Variants in MARCHF6 observed in about 807,000 individuals in gnomAD.
MARCHF6 encodes the protein E3 ubiquitin-protein ligase MARCHF6.
In MARCHF6, 31 loss-of-function variants were observed where a neutral mutation model predicts 133.7. The observed-to-expected ratio is 0.23, with a 90% confidence interval of 0.17 to 0.31. The LOEUF (loss-of-function observed/expected upper bound fraction) is 0.31, where lower values mean the gene tolerates loss of function less well. Among genes scored for constraint, MARCHF6 ranks in the 10% least tolerant of loss-of-function variants. MARCHF6 has a pLI of 1.00. For synonymous variants in MARCHF6, 395 were observed against 402.5 expected (o/e 0.98, Z 0.22); for missense variants, 723 against 1,121.6 (o/e 0.64, Z 5.08).
chr5:10,375,025 G>A (rs937563267), intron 1 of MARCHF6, among the ~76,000 whole-genome samples: 1 of 152,192 alleles, frequency 6.6e-6, no homozygotes, highest in African/African-American at 2.4e-5. Context: ...GCTTGCTCTC[G>A]GCGCCTCCTC....
chr5:10,423,679 CTG>C, intron 22 of MARCHF6, 54 bp from the exon 23 acceptor site: 1 of 1,165,252 alleles, frequency 8.6e-7, no homozygotes, highest in Non-Finnish European at 1.3e-6. Context: ...AGCCTCTCTG[CTG>C]TGTTTATTGT....
At position 10,438,217 on chromosome 5, in the gene MARCHF6, G is replaced by T. The variant is rs1479008614; in HGVS notation, c.*4533G>T. On this transcript the variant is annotated 3_prime_UTR_variant, in exon 26 of 26. Coordinates refer to ENST00000274140, the MANE Select transcript of MARCHF6 (RefSeq NM_005885.4). ...TAGAGTAAAACCAATCAAATCCATT[G>T]TACATACCTGACCATATGTCCCAGA... The T allele has an allele frequency of 6.6e-6, 1 of 152,018 alleles. No homozygotes were observed. Among genetic ancestry groups the T allele is most frequent in the South Asian group, 2.1e-4 (1 of 4,802 alleles). The allele number at this position is 152,018 out of a possible 1,614,324, so 9.4% of individuals were successfully genotyped here.
At chr5:10,410,118 T>C (rs375470350) in intron 17 of MARCHF6, 21 bp from the exon 18 acceptor site, 1 of 1,612,424 alleles carries the variant, frequency 6.2e-7, no homozygotes, top group Non-Finnish European at 8.5e-7. Context: ...CAATTCACAT[T>C]ATAAATCCTG....
chr5:10,389,478 TGCAACCCCCC>T (rs1471563134), intron 5 of MARCHF6, among the ~76,000 whole-genome samples: 18 of 150,412 alleles, frequency 1.2e-4, no homozygotes, highest in Middle Eastern at 6.8e-3. Flanking sequence ...CTTGGCTTAC[TGCAACCCCCC>T]GCCTCCTGGG....
chr5:10,410,235 G>C lies in MARCHF6; in HGVS notation c.1650G>C (p.Lys550Asn). The part of the protein sequence containing the change: ...LEQGHTRQWL[K>N]GLVRAWTVTA... ...AGGGACACACGAGGCAGTGGCTGAA[G>C]GGGCTGGTGCGAGCGTGGACTGTGA... The change falls in exon 18 of 26, where the codon AAG becomes AAC. Residue 550 changes from lysine (K) to asparagine (N), a missense_variant. Lys to Asn is a moderately conservative substitution (Grantham distance 94, BLOSUM62 0). Around this residue, in one of 4 missense-constraint regions of MARCHF6, gnomAD observed 492 missense variants for 699.5 expected, o/e 0.70. Transcript: ENST00000274140. 6.2e-7 allele frequency: 1 copy of C among 1,613,584 alleles called. No homozygotes were observed. Among genetic ancestry groups the C allele is most frequent in the Non-Finnish European group, 8.5e-7 (1 of 1,180,026 alleles).
intron 10 of MARCHF6, among the ~76,000 whole-genome samples, chr5:10,397,749 T>TA (rs1329287515): frequency 6.6e-6 from 1 of 152,210 alleles, no homozygotes; most frequent in Non-Finnish European, 1.5e-5. Flanking sequence ...TGGGAGCTGT[T>TA]ACCAGAGCTG....
chr5:10,362,756 A>T (rs1735904657), intron 1 of MARCHF6, among the ~76,000 whole-genome samples: 3 of 152,196 alleles, frequency 2.0e-5, no homozygotes, highest in Admixed American at 2.0e-4. Flanking sequence ...ATACTATGTC[A>T]AAACTTGACA....
At chr5:10,391,464 T>TTTA (rs1554022042) in intron 6 of MARCHF6, 78 bp from the exon 7 acceptor site, 2 of 431,754 alleles carry the variant, frequency 4.6e-6, no homozygotes, top group South Asian at 3.2e-5. Context: ...TTTTTTTTTT[T>TTTA]AGCAGGAATA....
At chr5:10,378,303 A>G (rs1321126026) in intron 2 of MARCHF6, among the ~76,000 whole-genome samples, 4 of 152,200 alleles carry the variant, frequency 2.6e-5, no homozygotes. Flanking sequence ...TAATCCTTAT[A>G]AGAAAATTGT....
Position 10,435,232 on chromosome 5 carries a change from TCAA to T in MARCHF6, c.*1552_*1554del, listed in dbSNP as rs372998845. The T allele has an allele frequency of 3.9e-5, 6 of 152,736 alleles. No homozygotes were observed. Among genetic ancestry groups the T allele is most frequent in the African/African-American group, 1.4e-4 (6 of 41,576 alleles). The allele number at this position is 152,736 out of a possible 1,614,324, so 9.5% of individuals were successfully genotyped here. A position where few individuals can be genotyped will look rare whatever the true frequency, so the allele number is the denominator to read the frequency against. On this transcript the variant is annotated 3_prime_UTR_variant, in exon 26 of 26. Transcript: ENST00000274140. ...CAATGTGTTCTGGCTGTTTTATACTTCAACAATTTTTTCCCTAAGTGGTAAGCA... is the reference window on the plus strand; with the variant it reads ...CAATGTGTTCTGGCTGTTTTATACTTCAATTTTTTCCCTAAGTGGTAAGCA...
chr5:10,359,077 A>G (rs1413973359), intron 1 of MARCHF6, among the ~76,000 whole-genome samples: 2 of 152,296 alleles, frequency 1.3e-5, no homozygotes, highest in South Asian at 4.1e-4. Flanking sequence ...AGTAAATTGT[A>G]TATGGTAAAA....
chr5:10,392,534 AC>A (rs981289226), intron 7 of MARCHF6, among the ~76,000 whole-genome samples: 1 of 151,928 alleles, frequency 6.6e-6, no homozygotes, highest in Admixed American at 6.6e-5. Flanking sequence ...TGGGTAGATC[AC>A]CTGAGGTCAG....
intron 6 of MARCHF6, among the ~76,000 whole-genome samples, chr5:10,390,748 T>C (rs1737778640): frequency 6.6e-6 from 1 of 152,242 alleles, no homozygotes; most frequent in South Asian, 2.1e-4. Flanking sequence ...CTGAAGTCCA[T>C]GTACACAGTC....
intron 22 of MARCHF6, among the ~76,000 whole-genome samples, chr5:10,421,202 C>A (rs889214532): frequency 1.3e-5 from 2 of 152,150 alleles, no homozygotes; most frequent in Non-Finnish European, 2.9e-5. Flanking sequence ...TTTTCAGAAT[C>A]TACTGTGAGG....
At chr5:10,417,568 A>G (rs1032977099) in intron 22 of MARCHF6, 164 bp downstream of exon 22, 2 of 791,994 alleles carry the variant, frequency 2.5e-6, no homozygotes, top group African/African-American at 1.7e-5. Flanking sequence ...CAGCATGGCA[A>G]GACCTAGTCT....
rs746320325 is a variant in MARCHF6 at position 10,417,262 on chromosome 5, C to T, written c.2149-8C>T. On this transcript the variant is annotated splice_polypyrimidine_tract_variant and splice_region_variant and intron_variant, in intron 21 of 25. Coordinates refer to ENST00000274140, the MANE Select transcript of MARCHF6 (RefSeq NM_005885.4). ...TCTTTAATGATGTGGGCTCCTGTTT[C>T]CTAATAGATCATGAAGACTTTGATA... The T allele has an allele frequency of 2.5e-6, 4 of 1,601,570 alleles. No homozygotes were observed. The South Asian group carries it at 3.4e-5, about 14-fold the overall frequency.
At chr5:10,371,740 T>C (rs1370600900) in intron 1 of MARCHF6, among the ~76,000 whole-genome samples, 2 of 152,182 alleles carry the variant, frequency 1.3e-5, no homozygotes, top group Non-Finnish European at 2.9e-5. Flanking sequence ...AAAGTAACAA[T>C]TGAATGTTGT....
Position 10,436,779 on chromosome 5 carries a change from C to A in MARCHF6, c.*3095C>A, listed in dbSNP as rs1740670666. The A allele has an allele frequency of 6.6e-6, 1 of 152,150 alleles. No individual in the cohort carries two copies. The highest frequency in any genetic ancestry group is 2.1e-4 in the South Asian group (1 of 4,830). 9.4% of individuals were successfully genotyped at this position (152,150 alleles called of 1,614,324 possible). On this transcript the variant is annotated 3_prime_UTR_variant, in exon 26 of 26. Coordinates refer to ENST00000274140, the MANE Select transcript of MARCHF6 (RefSeq NM_005885.4). ...TTTGTGTATAGCTAGCCTTAAAAAA[C>A]TTCCCATGTTTTTAGGTGACTTTTT... is the stretch of plus-strand genomic sequence containing the variant.
rs115989928 is a variant in MARCHF6, at chr5:10,367,504, T to G, written c.20-10294T>G. Among the ~76,000 whole-genome samples the G allele has an allele frequency of 6.0e-3, 919 of 152,314 alleles. 12 individuals carry two copies. Among genetic ancestry groups the G allele is most frequent in the African/African-American group, 0.021 (859 of 41,562 alleles). ...CACTGATTTAACACCAGAAGGTAAG[T>G]GGAGAGATTTTGAAGTCTTACATCA... On this transcript the variant is annotated intron_variant, in intron 1 of 25. Transcript: ENST00000274140.
Sources: gnomAD v4.1 joint callset for allele counts (sites outside exome capture counted in the v4.1 genomes callset) on GRCh38, gnomAD v4.1.1 for gene constraint, gnomAD v4.1.1 regional missense constraint, MANE v1.5 for transcripts, NCBI Gene and HGNC (gene_info 2026-07-23, HGNC 2026-07-21) for gene names.